The following GXYLT2 variants were observed in gnomAD, a reference collection of about 807,000 sequenced individuals.
The protein encoded by GXYLT2 is glycosyltransferase 8 domain containing 4.
Under a neutral mutation model 45.8 loss-of-function variants are expected in GXYLT2, and 53 were observed. The observed-to-expected ratio is 1.16, with a 90% confidence interval of 0.93 to 1.46. GXYLT2 has a LOEUF of 1.46. Ranked by LOEUF, GXYLT2 falls within the 40% of genes most tolerant of loss-of-function variation. GXYLT2 has a pLI of 0.00. For synonymous variants in GXYLT2, 219 were observed against 214.2 expected (o/e 1.02, Z -0.19); for missense variants, 551 against 544.4 (o/e 1.01, Z -0.12).
intron 3 of GXYLT2, among the ~76,000 whole-genome samples, chr3:72,948,709 C>T (rs991094966): frequency 6.6e-6 from 1 of 151,656 alleles, no homozygotes; most frequent in Non-Finnish European, 1.5e-5. Context: ...TGGTGGTGGG[C>T]GCCTGTAATC....
At chr3:72,895,302 G>C (rs1366272736) in intron 1 of GXYLT2, among the ~76,000 whole-genome samples, 2 of 152,126 alleles carry the variant, frequency 1.3e-5, no homozygotes, top group Admixed American at 6.6e-5. Flanking sequence ...TGTTCCCAAG[G>C]CCAGCTTCTT....
intron 3 of GXYLT2, among the ~76,000 whole-genome samples, chr3:72,954,549 G>T (rs1575810962): frequency 6.6e-6 from 1 of 151,114 alleles, no homozygotes; most frequent in East Asian, 1.9e-4. Context: ...GGTATGAGCT[G>T]CTTTAGAGAT....
rs139074209 is a variant in GXYLT2 at position 72,915,183 on chromosome 3, A to G, written c.468+6624A>G. 2.7e-4 allele frequency among the ~76,000 whole-genome samples: 41 copies of G among 151,836 alleles called. 1 individual carries two copies. The East Asian group carries it at 7.8e-3, about 29-fold the overall frequency. ...GCCTGAATTGGTTTTATTGCGAGCA[A>G]CCTAGCATCCTGAGAGTAACACAAA... On this transcript the variant is annotated intron_variant, in intron 2 of 6. Transcript: ENST00000389617.
At chr3:72,947,463 C>T (rs989864354) in intron 3 of GXYLT2, among the ~76,000 whole-genome samples, 1 of 152,094 alleles carries the variant, frequency 6.6e-6, no homozygotes, top group Non-Finnish European at 1.5e-5. Flanking sequence ...TGTGTATATC[C>T]TATGGAGCCT....
chr3:72,902,180 A>G (rs1709421878), intron 1 of GXYLT2, among the ~76,000 whole-genome samples: 1 of 152,166 alleles, frequency 6.6e-6, no homozygotes, highest in African/African-American at 2.4e-5. Context: ...CATGTTTTCA[A>G]TTCCTGTAGG....
chr3:72,943,994 T>C (rs1268496544), intron 3 of GXYLT2, among the ~76,000 whole-genome samples: 1 of 152,148 alleles, frequency 6.6e-6, no homozygotes, highest in Non-Finnish European at 1.5e-5. Flanking sequence ...GGGAGCATCA[T>C]TTCTTTAGTT....
At chr3:72,929,115 TC>T in intron 3 of GXYLT2, 1 of 1,591,248 alleles carries the variant, frequency 6.3e-7, no homozygotes, top group East Asian at 2.2e-5. Flanking sequence ...AACCGCTAGA[TC>T]AACCTGGAGC....
chr3:72,891,815 A>C (rs2107055253), intron 1 of GXYLT2, among the ~76,000 whole-genome samples: 1 of 152,324 alleles, frequency 6.6e-6, no homozygotes, highest in African/African-American at 2.4e-5. Context: ...TTAAGTGTTC[A>C]ATTTAAGCCT....
At chr3:72,929,038 C>T (rs1040496200) in intron 3 of GXYLT2, 6 of 1,537,638 alleles carry the variant, frequency 3.9e-6, no homozygotes, top group East Asian at 2.2e-5. Context: ...CCTTAGCCGC[C>T]GCCGTGACGA....
chr3:72,930,332 T>A (rs1376059295), intron 3 of GXYLT2, among the ~76,000 whole-genome samples: 2 of 148,868 alleles, frequency 1.3e-5, no homozygotes, highest in Non-Finnish European at 3.0e-5. Context: ...TGAAACCTCA[T>A]CTCTCCTAAA....
At chr3:72,925,343 A>G (rs997026367) in intron 3 of GXYLT2, among the ~76,000 whole-genome samples, 5 of 151,900 alleles carry the variant, frequency 3.3e-5, no homozygotes, top group African/African-American at 1.2e-4. Context: ...TTTAGTAGAG[A>G]CAGGGTTTCA....
Position 72,967,661 on chromosome 3 carries a change from G to A in GXYLT2, c.1091G>A (p.Gly364Asp), listed in dbSNP as rs1179560325. The change falls in exon 6 of 7, where the codon GGC (glycine) becomes GAC (aspartate). Residue 364 changes from glycine to aspartate, a missense_variant. By Grantham distance (94) the Gly-to-Asp change is moderately conservative. Coordinates refer to ENST00000389617, the MANE Select transcript of GXYLT2 (RefSeq NM_001080393.2). Reference protein sequence around the residue: ...EGVSVLHGNRGVYHDDKQPTF... With the variant: ...EGVSVLHGNRDVYHDDKQPTF... Reference sequence around the variant, plus strand: ...GTGTCTGTTCTGCATGGAAACCGAGGCGTCTACCATGACGATAAGCAACCA... The same window carrying A: ...GTGTCTGTTCTGCATGGAAACCGAGACGTCTACCATGACGATAAGCAACCA... 3 of 1,613,814 alleles carry A rather than the reference G, an allele frequency of 1.9e-6. No individual in the cohort carries two copies. The highest frequency in any genetic ancestry group is 2.5e-6 in the Non-Finnish European group (3 of 1,179,852).
intron 3 of GXYLT2, among the ~76,000 whole-genome samples, chr3:72,937,725 C>A (rs1575801213): frequency 6.6e-6 from 1 of 152,124 alleles, no homozygotes; most frequent in Non-Finnish European, 1.5e-5. Flanking sequence ...CAAAATACCT[C>A]CTTAGGAAAA....
At chr3:72,951,626 G>A (rs981617698) in intron 3 of GXYLT2, among the ~76,000 whole-genome samples, 1 of 152,074 alleles carries the variant, frequency 6.6e-6, no homozygotes, top group Admixed American at 6.6e-5. Flanking sequence ...CTTAAGTGCT[G>A]TTTTCTCACA....
chr3:72,898,659 G>A (rs1709341611), intron 1 of GXYLT2, among the ~76,000 whole-genome samples: 2 of 152,188 alleles, frequency 1.3e-5, no homozygotes, highest in South Asian at 4.1e-4. Context: ...GGGAGGCATG[G>A]GAGACTGAAA....
intron 3 of GXYLT2, among the ~76,000 whole-genome samples, chr3:72,953,136 C>T (rs1387825322): frequency 6.6e-6 from 1 of 152,114 alleles, no homozygotes; most frequent in East Asian, 1.9e-4. Context: ...TAGCAAACCA[C>T]AGCCTGTGAG....
intron 1 of GXYLT2, among the ~76,000 whole-genome samples, chr3:72,904,948 C>T (rs1488462670): frequency 2.0e-5 from 3 of 146,630 alleles, no homozygotes; most frequent in Non-Finnish European, 4.5e-5. Flanking sequence ...ACTTGGGAGG[C>T]TGAGGCATGA....
intron 2 of GXYLT2, among the ~76,000 whole-genome samples, chr3:72,920,322 A>G (rs1350779189): frequency 1.3e-5 from 2 of 151,892 alleles, no homozygotes; most frequent in Non-Finnish European, 2.9e-5. Context: ...TTTAGTAGAG[A>G]CCGGGTTTCA....
chr3:72,899,542 AAG>A (rs1326872265), intron 1 of GXYLT2, among the ~76,000 whole-genome samples: 1 of 152,218 alleles, frequency 6.6e-6, no homozygotes, highest in Non-Finnish European at 1.5e-5. Flanking sequence ...GTTCTGAGCG[AAG>A]AGTCTAATCA....
Sources: gnomAD v4.1 joint callset for allele counts (sites outside exome capture counted in the v4.1 genomes callset) on GRCh38, gnomAD v4.1.1 for gene constraint, MANE v1.5 for transcripts, NCBI Gene and HGNC (gene_info 2026-07-23, HGNC 2026-07-21) for gene names.